Variants in TASOR2 observed in about 807,000 individuals in gnomAD.
TASOR2 encodes transcription activation suppressor family member 2.
TASOR2 carries 84 observed loss-of-function variants against 199.5 expected under a neutral mutation model. The observed-to-expected ratio is 0.42, with a 90% CI of 0.35 to 0.50. The LOEUF is 0.50. TASOR2 is among the 20% of genes least tolerant of loss of function. TASOR2 has a pLI of 0.02. For missense variants in TASOR2, 2,796 were observed against 2,835.9 expected, an observed-to-expected ratio of 0.99 and a Z score of 0.32; for synonymous variants, 1,103 against 1,046.6, an observed-to-expected ratio of 1.05 and a Z score of -1.04.
At position 5,748,083 on chromosome 10, in the gene TASOR2, A is replaced by C. The variant is rs766670978; in HGVS notation, c.4662A>C (p.Pro1554=). 1 of 1,614,258 alleles carries C rather than the reference A, an allele frequency of 6.2e-7. No homozygotes were observed. Among genetic ancestry groups the C allele is most frequent in the South Asian group, 1.1e-5 (1 of 91,092 alleles). ...TAAAATCAGGAAATCCATTGCAGCC[A>C]GTTAGTATAGAGAATAGAAATTTGG... Residue 1554 remains proline, a synonymous_variant, in exon 15 of 21, where the codon CCA becomes CCC. Coordinates refer to ENST00000328090, the Ensembl canonical transcript of TASOR2. The surrounding 1 kb of genome is among the most constrained non-coding windows in gnomAD (Gnocchi z 5.1).
chr10:5,720,804 T>G lies in TASOR2; in HGVS notation c.46+30T>G. The G allele has an allele frequency of 6.4e-7, 1 of 1,558,104 alleles. No homozygotes were observed. On this transcript the variant is annotated intron_variant, in intron 5 of 20. Coordinates refer to ENST00000328090, the Ensembl canonical transcript of TASOR2. This position sits in a 1 kb window ranked among gnomAD's most constrained non-coding sequence, Gnocchi z 5.3. ...GAAATAGTTCATTGATTCTTTTAGG[T>G]TTTTTTTTTCTTGAGTAAATGTTTC... is the stretch of plus-strand genomic sequence containing the variant.
At chr10:5,727,197 C>A in intron 10 of TASOR2, 74 bp downstream of exon 11, 1 of 1,460,334 alleles carries the variant, frequency 6.8e-7, no homozygotes, top group Non-Finnish European at 9.6e-7. Flanking sequence ...GACCTCTCAG[C>A]AGCACGTGAC....
chr10:5,709,239 T>G (rs539915645), intron 1 of TASOR2, among the ~76,000 whole-genome samples: 7 of 152,210 alleles, frequency 4.6e-5, no homozygotes, highest in African/African-American at 1.2e-4. Flanking sequence ...TGTGATCTCT[T>G]CATTTTGAAA....
At chr10:5,756,961 G>A (rs1280884677) in intron 16 of TASOR2, among the ~76,000 whole-genome samples, 1 of 152,216 alleles carries the variant, frequency 6.6e-6, no homozygotes, top group East Asian at 1.9e-4. Flanking sequence ...ACTTAGGTGA[G>A]AGGTTGCTAA....
chr10:5,750,046 C>T lies in TASOR2; in HGVS notation c.6606+19C>T. The T allele has an allele frequency of 6.4e-7, 1 of 1,551,548 alleles. No individual in the cohort carries two copies. Among genetic ancestry groups the T allele is most frequent in the Non-Finnish European group, 8.7e-7 (1 of 1,152,628 alleles). ...AACAAAGGTAAAGTGCCAGCCACGT[C>T]TTACGTATTATTTTAATTGCTGATT... On this transcript the variant is annotated intron_variant, in intron 15 of 20. Transcript: ENST00000328090. This position sits in a 1 kb window ranked among gnomAD's most constrained non-coding sequence, Gnocchi z 5.4.
rs7091641 is a variant in TASOR2 at position 5,685,239 on chromosome 10, C to T, written c.-288+64C>T. On this transcript the variant is annotated intron_variant, in intron 1 of 20. Transcript: ENST00000328090. This position sits in a 1 kb window ranked among gnomAD's most constrained non-coding sequence, Gnocchi z 5.4. The stretch of plus-strand genomic sequence containing the variant: ...GAGGAGGACGGCGGGTCCCCGAGGC[C>T]GAGCGCTCGGGCAGCTGCCGGGGCT... 0.29 allele frequency: 115,990 copies of T among 397,062 alleles called. 19,004 individuals carry two copies. Among genetic ancestry groups the T allele is most frequent in the African/African-American group, 0.47 (22,942 of 48,586 alleles). The allele number at this position is 397,062 out of a possible 1,614,324, so 24.6% of individuals were successfully genotyped here. A position where few individuals can be genotyped will look rare whatever the true frequency, so the allele number is the denominator to read the frequency against.
At chr10:5,762,108 T>G (rs984058432) in intron 19 of TASOR2, among the ~76,000 whole-genome samples, 1 of 152,096 alleles carries the variant, frequency 6.6e-6, no homozygotes, top group Non-Finnish European at 1.5e-5. Context: ...AGACCTCATC[T>G]CTACAGAAGT....
At chr10:5,712,740 A>C in intron 1 of TASOR2, 83 bp from the exon 2 acceptor site, 1 of 776,502 alleles carries the variant, frequency 1.3e-6, no homozygotes, top group Non-Finnish European at 1.7e-6. Flanking sequence ...GGCAGGAAGA[A>C]TTCAAATGAT....
Position 5,741,194 on chromosome 10 carries a change from G to A in TASOR2, c.2327+697G>A, listed in dbSNP as rs532139286. On this transcript the variant is annotated intron_variant, in intron 13 of 20. Coordinates refer to ENST00000328090, the Ensembl canonical transcript of TASOR2. ...ATTCTGCATTTCTAACAAATTTTCA[G>A]GTGATATCAATGGTGGATGACAGTC... is the stretch of plus-strand genomic sequence containing the variant. Among the ~76,000 whole-genome samples the A allele has an allele frequency of 2.0e-5, 3 of 152,316 alleles. 1 individual carries two copies. The highest frequency in any genetic ancestry group is 7.2e-5 in the African/African-American group (3 of 41,566).
intron 14 of TASOR2, among the ~76,000 whole-genome samples, chr10:5,745,908 T>C (rs1316222382): frequency 6.6e-6 from 1 of 152,214 alleles, no homozygotes; most frequent in Non-Finnish European, 1.5e-5. Flanking sequence ...TTGTCAGTGG[T>C]CTAGTTATTT....
In TASOR2 at chr10:5,748,389, C is replaced by T. The variant is rs1837522073; in HGVS notation, c.4968C>T (p.Pro1656=). 6.2e-7 allele frequency: 1 copy of T among 1,614,132 alleles called. No homozygotes were observed. The highest frequency in any genetic ancestry group is 1.7e-5 in the Admixed American group (1 of 60,008). ...AGGGATGCATGTGCTCAGTGGTCCCCACGCTTTGTTCTTCCTCAGACAATG... is the reference window on the plus strand; with the variant it reads ...AGGGATGCATGTGCTCAGTGGTCCCTACGCTTTGTTCTTCCTCAGACAATG... Residue 1656 remains proline, a synonymous_variant, in exon 15 of 21, where the codon CCC becomes CCT. Transcript: ENST00000328090. The surrounding 1 kb of genome is among the most constrained non-coding windows in gnomAD (Gnocchi z 5.1).
chr10:5,727,194 C>T, intron 10 of TASOR2, 71 bp downstream of exon 11: 1 of 1,497,940 alleles, frequency 6.7e-7, no homozygotes, highest in Non-Finnish European at 9.3e-7. Flanking sequence ...CTTGACCTCT[C>T]AGCAGCACGT....
At chr10:5,726,352 T>C (rs770592880) in intron 8 of TASOR2, among the ~76,000 whole-genome samples, 1 of 152,226 alleles carries the variant, frequency 6.6e-6, no homozygotes, top group Admixed American at 6.5e-5. Flanking sequence ...GAATTTATTT[T>C]CATCTGTATT....
rs1831775431 is a variant in TASOR2 at position 5,710,474 on chromosome 10, T to A, written c.-287-2349T>A. ...GGTACTTGTTCCTCCTCCTTCGTTT[T>A]AAATCATTGGCTTTATTTATAGCTA... On this transcript the variant is annotated intron_variant, in intron 1 of 20. Coordinates refer to ENST00000328090, the Ensembl canonical transcript of TASOR2. This position sits in a 1 kb window ranked among gnomAD's most constrained non-coding sequence, Gnocchi z 4.6. 6.6e-6 allele frequency among the ~76,000 whole-genome samples: 1 copy of A among 152,230 alleles called. No homozygotes were observed. The highest frequency in any genetic ancestry group is 3.4e-3 in the Middle Eastern group (1 of 294).
At chr10:5,734,522 G>A (rs1308949457) in intron 11 of TASOR2, among the ~76,000 whole-genome samples, 2 of 152,088 alleles carry the variant, frequency 1.3e-5, no homozygotes, top group African/African-American at 2.4e-5. Context: ...AAGTAGTAAC[G>A]TAAAATATAT....
In TASOR2 at chr10:5,685,246, TC is replaced by T; in HGVS notation, c.-288+72del. The T allele has an allele frequency of 2.5e-6, 1 of 396,980 alleles. No homozygotes were observed. The highest frequency in any genetic ancestry group is 4.4e-6 in the Non-Finnish European group (1 of 225,122). 24.6% of individuals were successfully genotyped at this position (396,980 alleles called of 1,614,324 possible). ...ACGGCGGGTCCCCGAGGCCGAGCGCTCGGGCAGCTGCCGGGGCTTGGCTGCG... is the reference window on the plus strand; with the variant it reads ...ACGGCGGGTCCCCGAGGCCGAGCGCTGGGCAGCTGCCGGGGCTTGGCTGCG... On this transcript the variant is annotated intron_variant, in intron 1 of 20. Transcript: ENST00000328090. The surrounding 1 kb of genome is among the most constrained non-coding windows in gnomAD (Gnocchi z 5.4).
At chr10:5,746,257 A>G in exon 15 of TASOR2, 1 of 1,613,960 alleles carries the variant, frequency 6.2e-7, no homozygotes, top group Non-Finnish European at 8.5e-7. Context: ...TACACAAACT[A>G]ATGGACCTTC....
exon 7 of TASOR2, chr10:5,723,725 A>C: frequency 6.2e-7 from 1 of 1,605,584 alleles, no homozygotes; most frequent in Non-Finnish European, 8.5e-7. Flanking sequence ...CTTCCTTGAA[A>C]AAAAGACTAC....
chr10:5,763,419 T>C (rs922229053), exon 21 of TASOR2: 2 of 168,104 alleles, frequency 1.2e-5, no homozygotes, highest in Admixed American at 1.3e-4. Context: ...TGCTCTGTTT[T>C]AAAGGTTTTA....
Sources: gnomAD v4.1 joint callset for allele counts (sites outside exome capture counted in the v4.1 genomes callset) on GRCh38, gnomAD v4.1.1 for gene constraint, Gnocchi (gnomAD v3.1) non-coding constraint, MANE v1.5 for transcripts, NCBI Gene and HGNC (gene_info 2026-07-23, HGNC 2026-07-21) for gene names.